The following CPNE7 variants were observed in gnomAD, a reference collection of about 807,000 sequenced individuals.
CPNE7 encodes the protein copine-7.
In CPNE7, 78 loss-of-function variants were observed where a neutral mutation model predicts 66.5. The ratio of observed to expected loss-of-function variants is 1.17; its 90% CI spans 0.98 to 1.42. The LOEUF is 1.42. Among genes scored for constraint, CPNE7 ranks in the 40% most tolerant of loss-of-function variants. The pLI is 0.00. For synonymous variants in CPNE7, 468 were observed against 336.7 expected, an observed-to-expected ratio of 1.39 and a Z score of -4.27; for missense variants, 1,012 against 776.6, an observed-to-expected ratio of 1.30 and a Z score of -3.60.
intron 10 of CPNE7, 86 bp downstream of exon 10, chr16:89,588,894 G>C: frequency 6.5e-7 from 1 of 1,549,134 alleles, no homozygotes; most frequent in Non-Finnish European, 8.8e-7. Flanking sequence ...CACCCCCCTG[G>C]TCTCCAGGTC....
At position 89,591,270 on chromosome 16, in the gene CPNE7, C is replaced by CG. The variant is rs2059164953; in HGVS notation, c.1302+16dup. 8 of 1,562,106 alleles carry CG rather than the reference C, an allele frequency of 5.1e-6. No individual in the cohort carries two copies. Among genetic ancestry groups the CG allele is most frequent in the African/African-American group, 4.0e-5 (3 of 74,082 alleles). ...CACCGGGAAAGCCTCTGTAGGTGCC[C>CG]GGGGGGTGTGGTGCATGCTTGGTGT... On this transcript the variant is annotated intron_variant, in intron 13 of 14. Coordinates refer to ENST00000319518, the MANE Select transcript of CPNE7 (RefSeq NM_153636.3).
rs2059012935 is a variant in CPNE7 at position 89,584,997 on chromosome 16, G to A, written c.591+140G>A. On this transcript the variant is annotated intron_variant, in intron 5 of 14. Transcript: ENST00000319518. This position sits in a 1 kb window ranked among gnomAD's most constrained non-coding sequence, Gnocchi z 6.0. Reference sequence around the variant, plus strand: ...GCTTTGGTGGCTGTGGCTATGGCCAGAATCCAACAGGGAGCCGCAGGCGCA... The same window carrying A: ...GCTTTGGTGGCTGTGGCTATGGCCAAAATCCAACAGGGAGCCGCAGGCGCA... 1.3e-6 allele frequency: 1 copy of A among 764,500 alleles called. No individual in the cohort carries two copies. The highest frequency in any genetic ancestry group is 2.1e-6 in the Non-Finnish European group (1 of 468,398). 47.4% of individuals were successfully genotyped at this position (764,500 alleles called of 1,614,324 possible).
In CPNE7 at chr16:89,585,506, GTC is replaced by G; in HGVS notation, c.640_641del (p.Leu214GlufsTer43). ...NLNPVWEAFK[V>X]SLSSLCSCEE... ...GAACCCGGTGTGGGAGGCCTTCAAA[GTC>G]TCTCTGAGTTCCCTCTGCAGCTGCG... On this transcript the variant is annotated frameshift_variant, in exon 6 of 15. Transcript: ENST00000319518. LOFTEE classifies it high-confidence loss of function. 1.9e-6 allele frequency: 3 copies of G among 1,612,386 alleles called. No homozygotes were observed. Among genetic ancestry groups the G allele is most frequent in the South Asian group, 2.2e-5 (2 of 90,880 alleles).
chr16:89,589,689 G>A (rs1007507868), intron 10 of CPNE7, among the ~76,000 whole-genome samples: 18 of 152,162 alleles, frequency 1.2e-4, no homozygotes, highest in African/African-American at 3.6e-4. Context: ...GCAGGCTCGC[G>A]GGCGGCAGGA....
chr16:89,596,485 C>T lies in CPNE7; in HGVS notation c.1541C>T (p.Ala514Val). ...QFVPFRELKN[A>V]SPAALAKCVL... ...TAACTGCGTTGTCCCATCCTCCAGG[C>T]ATCCCCTGCGGCGCTGGCCAAGTGC... Residue 514 changes from alanine (A) to valine (V), a missense_variant and splice_region_variant, in exon 15 of 15, where the codon GCA (alanine) becomes GTA (valine). Transcript: ENST00000319518. 6.2e-7 allele frequency: 1 copy of T among 1,605,262 alleles called. No homozygotes were observed. The highest frequency in any genetic ancestry group is 8.5e-7 in the Non-Finnish European group (1 of 1,178,052).
chr16:89,594,515 C>A (rs955228931), intron 13 of CPNE7, among the ~76,000 whole-genome samples: 8 of 152,072 alleles, frequency 5.3e-5, no homozygotes, highest in African/African-American at 1.9e-4. Context: ...GCTGTGGGCT[C>A]CCGCTCTGCT....
chr16:89,592,396 C>T (rs947819569), intron 13 of CPNE7, among the ~76,000 whole-genome samples: 7 of 151,438 alleles, frequency 4.6e-5, no homozygotes, highest in East Asian at 1.9e-4. Context: ...TCACACATTG[C>T]GCTCCTGCTT....
At position 89,588,541 on chromosome 16, in the gene CPNE7, G is replaced by A. The variant is rs578215614; in HGVS notation, c.928-134G>A. 4.2e-5 allele frequency: 45 copies of A among 1,074,964 alleles called. No homozygotes were observed. In the East Asian group the frequency reaches 1.1e-3, roughly 26 times the overall value. The allele number at this position is 1,074,964 out of a possible 1,614,324, so 66.6% of individuals were successfully genotyped here. On this transcript the variant is annotated intron_variant, in intron 9 of 14. Transcript: ENST00000319518. ...AGCAGGTGGGTCAGCCCCAACAGCA[G>A]CCCCCCAGCCCTACCCACCTACGCG...
At position 89,585,777 on chromosome 16, in the gene CPNE7, G is replaced by A. The variant is rs781475396; in HGVS notation, c.772G>A (p.Glu258Lys). Residue 258 changes from glutamate (E) to lysine (K), a missense_variant, in exon 7 of 15, where the codon GAG (glutamate) becomes AAG (lysine). Transcript: ENST00000319518. ...TFEEMQKAFE[E>K]GQAQWDCVNP... is the part of the protein sequence containing the mutation. Reference sequence around the variant, plus strand: ...CGAGGAGATGCAGAAGGCCTTTGAGGAGGGGCAGGTGAGCAGGACGGGGTA... The same window carrying A: ...CGAGGAGATGCAGAAGGCCTTTGAGAAGGGGCAGGTGAGCAGGACGGGGTA... The A allele has an allele frequency of 1.1e-5, 17 of 1,536,626 alleles. No individual in the cohort carries two copies. The South Asian group carries it at 1.9e-4, about 17-fold the overall frequency.
rs1346560382 is a variant in CPNE7 at position 89,587,059 on chromosome 16, C to G, written c.884C>G (p.Ser295Cys). ...GGCCGGAAGTTCCACAGGGTGTACT[C>G]CTTCCTGGACTATATCATGGGCGGC... ...LADLKFHRVY[S>C]FLDYIMGGCQ... is the part of the protein sequence containing the mutation. Residue 295 changes from serine to cysteine, a missense_variant, in exon 9 of 15, where the codon TCC becomes TGC. Coordinates refer to ENST00000319518, the MANE Select transcript of CPNE7 (RefSeq NM_153636.3). The G allele has an allele frequency of 6.3e-7, 1 of 1,580,330 alleles. No individual in the cohort carries two copies. The highest frequency in any genetic ancestry group is 1.8e-5 in the Admixed American group (1 of 55,778).
At chr16:89,577,420 C>T in intron 1 of CPNE7, 119 bp from the exon 2 acceptor site, 2 of 1,043,684 alleles carry the variant, frequency 1.9e-6, no homozygotes, top group Non-Finnish European at 2.8e-6. Context: ...AGGAGGTCTT[C>T]CCAGGGTATG....
Position 89,588,786 on chromosome 16 carries a change from G to A in CPNE7, c.1039G>A (p.Glu347Lys), listed in dbSNP as rs199746948. The change falls in exon 10 of 15, where the codon GAG (glutamate) becomes AAG (lysine). Residue 347 changes from glutamate to lysine, a missense_variant. Physicochemically the swap from Glu to Lys is moderately conservative, Grantham distance 56 (BLOSUM62 1). Coordinates refer to ENST00000319518, the MANE Select transcript of CPNE7 (RefSeq NM_153636.3). ...CCTGAAGGCACTGGTGTCCGTGGGC[G>A]AGATCTGCCAGGACTATGACAGGTG... ...EYLKALVSVGEICQDYDSDKR... is the reference protein window; with the variant it reads ...EYLKALVSVGKICQDYDSDKR... The A allele has an allele frequency of 1.7e-4, 273 of 1,613,556 alleles. 1 individual carries two copies. The highest frequency in any genetic ancestry group is 1.2e-3 in the Middle Eastern group (7 of 6,060).
intron 13 of CPNE7, among the ~76,000 whole-genome samples, chr16:89,591,629 G>A (rs1433418180): frequency 6.6e-6 from 1 of 152,150 alleles, no homozygotes; most frequent in African/African-American, 2.4e-5. Flanking sequence ...GAACTGCACT[G>A]GATTCTACTC....
At chr16:89,586,339 G>A (rs928386041) in intron 7 of CPNE7, among the ~76,000 whole-genome samples, 1 of 152,042 alleles carries the variant, frequency 6.6e-6, no homozygotes, top group Admixed American at 6.5e-5. Context: ...GGGCCAAGGG[G>A]TGCCCTCCCC....
rs1223982139 is a variant in CPNE7 at position 89,583,720 on chromosome 16, C to G, written c.381C>G (p.Thr127=). The G allele has an allele frequency of 1.2e-6, 2 of 1,612,824 alleles. No homozygotes were observed. The highest frequency in any genetic ancestry group is 1.3e-5 in the African/African-American group (1 of 75,046). The change falls in exon 3 of 15, where the codon ACC becomes ACG. Residue 127 remains threonine (T), a synonymous_variant. Transcript: ENST00000319518. ...AGATTGTGGCCCAGAAGAAGGTGACCCGCCCGCTGCTGCTCAAGTTTGGCA... is the reference window on the plus strand; with the variant it reads ...AGATTGTGGCCCAGAAGAAGGTGACGCGCCCGCTGCTGCTCAAGTTTGGCA... ...LGQIVAQKKV[T]RPLLLKFGRN...
chr16:89,579,688 G>T (rs143194662), intron 2 of CPNE7, among the ~76,000 whole-genome samples: 1 of 127,494 alleles, frequency 7.8e-6, no homozygotes. Flanking sequence ...GGAACATCCC[G>T]TCATCTGCTC....
At chr16:89,594,909 C>T (rs2059229592) in intron 13 of CPNE7, among the ~76,000 whole-genome samples, 1 of 152,050 alleles carries the variant, frequency 6.6e-6, no homozygotes, top group Non-Finnish European at 1.5e-5. Context: ...GCCTCGGCCT[C>T]CCAAAGTGCT....
Position 89,577,671 on chromosome 16 carries a change from A to G in CPNE7, c.307A>G (p.Ser103Gly), listed in dbSNP as rs1163824912. Residue 103 changes from serine (S) to glycine (G), a missense_variant, in exon 2 of 15, where the codon AGC becomes GGC. Transcript: ENST00000319518. ...CGACACGCATGGGCCCAGCGGCTTC[A>G]GCTGTCAGGAGGACGATTTCCTGGG... Reference protein sequence around the residue: ...VYDTHGPSGFSCQEDDFLGGM... With the variant: ...VYDTHGPSGFGCQEDDFLGGM... The G allele has an allele frequency of 1.2e-6, 2 of 1,600,360 alleles. No homozygotes were observed. The highest frequency in any genetic ancestry group is 1.7e-6 in the Non-Finnish European group (2 of 1,173,840).
At position 89,584,009 on chromosome 16, in the gene CPNE7, C is replaced by T; in HGVS notation, c.433-19C>T. The T allele has an allele frequency of 1.2e-6, 2 of 1,611,372 alleles. No individual in the cohort carries two copies. The highest frequency in any genetic ancestry group is 1.7e-6 in the Non-Finnish European group (2 of 1,179,276). ...GGCCCCACCTGGCCAAGCCTGGAGC[C>T]CGGGCGTCCCCCTGCCAGGTGATCG... On this transcript the variant is annotated intron_variant, in intron 3 of 14. Transcript: ENST00000319518. The surrounding 1 kb of genome is among the most constrained non-coding windows in gnomAD (Gnocchi z 6.0).
Sources: allele counts gnomAD v4.1 joint callset (sites outside exome capture counted in the v4.1 genomes callset), GRCh38; gene constraint gnomAD v4.1.1; non-coding constraint Gnocchi (gnomAD v3.1); transcripts MANE v1.5; gene names NCBI Gene and HGNC (gene_info 2026-07-23, HGNC 2026-07-21).